Variants in CROCC observed in about 807,000 individuals in gnomAD.
The protein encoded by CROCC is rootletin.
In CROCC, 180 loss-of-function variants were observed where a neutral mutation model predicts 245.2. That is an observed-to-expected ratio of 0.73 (90% CI 0.65 to 0.83). The LOEUF is 0.83. CROCC is among the 40% of genes least tolerant of loss of function. The probability of loss-of-function intolerance (pLI) is 0.00; values close to 1 mark genes in which losing one functional copy is unlikely to be tolerated. For synonymous variants in CROCC, 1,205 were observed against 1,241.6 expected, an observed-to-expected ratio of 0.97 and a Z score of 0.62; for missense variants, 2,688 against 2,779.4, an observed-to-expected ratio of 0.97 and a Z score of 0.74.
chr1:16,924,191 T>C, intron 2 of CROCC, 134 bp from the exon 3 acceptor site: 1 of 1,123,950 alleles, frequency 8.9e-7, no homozygotes, highest in Non-Finnish European at 1.3e-6. Context: ...CAGCTCTGTT[T>C]GCAGGCCTGG....
chr1:16,954,681 C>G lies in CROCC; in HGVS notation c.3322-53C>G. ...AGTGCACTGAGCGGGTTGGGAGCAG[C>G]CCGGGGCTGGGGGACACAGCAGGAC... On this transcript the variant is annotated intron_variant, in intron 22 of 36. Coordinates refer to ENST00000375541, the MANE Select transcript of CROCC (RefSeq NM_014675.5). This position sits in a 1 kb window ranked among gnomAD's most constrained non-coding sequence, Gnocchi z 4.4. The G allele has an allele frequency of 6.7e-7, 1 of 1,502,360 alleles. No homozygotes were observed. 93.1% of individuals were successfully genotyped at this position (1,502,360 alleles called of 1,614,324 possible).
rs2076425290 is a variant in CROCC, at chr1:16,966,772, A to C, written c.4860+201A>C. Among the ~76,000 whole-genome samples the C allele has an allele frequency of 1.3e-5, 2 of 152,200 alleles. No homozygotes were observed. Among genetic ancestry groups the C allele is most frequent in the South Asian group, 4.1e-4 (2 of 4,836 alleles). ...GTGGTCACTAGGCTGTAGAAAAAAG[A>C]GCTTGGTCAAGGTGCAGTAGCTCAT... On this transcript the variant is annotated intron_variant, in intron 30 of 36. Coordinates refer to ENST00000375541, the MANE Select transcript of CROCC (RefSeq NM_014675.5). The surrounding 1 kb of genome is among the most constrained non-coding windows in gnomAD (Gnocchi z 4.8).
In CROCC at chr1:16,944,139, G is replaced by A. The variant is rs757582826; in HGVS notation, c.1848G>A (p.Gln616=). 7.3e-5 allele frequency: 114 copies of A among 1,560,144 alleles called. No homozygotes were observed. Among genetic ancestry groups the A allele is most frequent in the Non-Finnish European group, 9.3e-5 (107 of 1,151,808 alleles). The change falls in exon 14 of 37, where the codon CAG becomes CAA. Residue 616 remains glutamine, a synonymous_variant. Coordinates refer to ENST00000375541, the MANE Select transcript of CROCC (RefSeq NM_014675.5). The stretch of plus-strand genomic sequence containing the variant: ...TGGCCCACAGCCTGCAGGTGGCCCA[G>A]CAGCAGGCCGAGGAGCTGCGGCAGG... ...SNLAHSLQVA[Q]QQAEELRQER... is the part of the protein sequence containing the mutation.
intron 35 of CROCC, 56 bp from the exon 36 acceptor site, chr1:16,971,409 C>T (rs2076516640): frequency 6.8e-7 from 1 of 1,474,304 alleles, no homozygotes; most frequent in Non-Finnish European, 9.0e-7. Flanking sequence ...ACCCGTCACA[C>T]ATGCACACAC....
chr1:16,931,444 TC>T (rs1389771295), intron 8 of CROCC, 47 bp downstream of exon 8: 1 of 1,505,630 alleles, frequency 6.6e-7, no homozygotes. Context: ...CCAGCCCTGC[TC>T]TTTATGTCCA....
At chr1:16,955,236 G>A (rs1286851952) in intron 23 of CROCC, 76 bp from the exon 24 acceptor site, 1 of 1,449,092 alleles carries the variant, frequency 6.9e-7, no homozygotes, top group Non-Finnish European at 9.5e-7. Context: ...CCTGGGTCCA[G>A]GGATCTGGGG....
chr1:16,926,689 A>T (rs1570591178), intron 3 of CROCC, among the ~76,000 whole-genome samples: 1 of 152,342 alleles, frequency 6.6e-6, no homozygotes, highest in East Asian at 1.9e-4. Flanking sequence ...TGTCCCTGAG[A>T]AGCAGATGTA....
chr1:16,928,651 A>T (rs2075591675), intron 3 of CROCC, among the ~76,000 whole-genome samples: 2 of 151,892 alleles, frequency 1.3e-5, no homozygotes, highest in African/African-American at 4.8e-5. Flanking sequence ...AAAATACAAA[A>T]AATTAGCCAG....
At chr1:16,951,281 T>C (rs1287603473) in intron 20 of CROCC, 159 bp downstream of exon 20, 1 of 609,444 alleles carries the variant, frequency 1.6e-6, no homozygotes, top group Non-Finnish European at 2.6e-6. Context: ...AGGTTGTGGT[T>C]CTTATTAGAC....
In CROCC at chr1:16,915,643, GA is replaced by G. The variant is rs148444492; in HGVS notation, n.126-14629del. On this transcript the variant is annotated intron_variant and non_coding_transcript_variant, in intron 1 of 8. Coordinates refer to the CROCC transcript ENST00000466256. ...AAACAGAGCAAGACCTTGTCTCAAA[GA>G]AAAAAAAAAAAAAGGAGGAGACAGA... is the stretch of plus-strand genomic sequence containing the variant. Among the ~76,000 whole-genome samples the G allele has an allele frequency of 8.7e-3, 1,128 of 129,624 alleles. 4 individuals carry two copies. Among genetic ancestry groups the G allele is most frequent in the African/African-American group, 0.026 (918 of 35,748 alleles). 85.0% of individuals were successfully genotyped at this position (129,624 alleles called of 152,430 possible).
intron 13 of CROCC, among the ~76,000 whole-genome samples, chr1:16,941,752 A>G (rs1430238478): frequency 1.3e-5 from 2 of 152,366 alleles, no homozygotes; most frequent in East Asian, 3.9e-4. Flanking sequence ...AAAAAAGAAA[A>G]AATTCAGTTC....
At chr1:16,919,717 C>A (rs2075364203), upstream of CROCC, among the ~76,000 whole-genome samples, 1 of 152,268 alleles carries the variant, frequency 6.6e-6, no homozygotes, top group Non-Finnish European at 1.5e-5. Flanking sequence ...TCACCACCTG[C>A]CAGGTGTGGT....
At chr1:16,961,210 T>C in intron 27 of CROCC, 80 bp downstream of exon 27, 1 of 1,206,902 alleles carries the variant, frequency 8.3e-7, no homozygotes, top group South Asian at 3.2e-5. Flanking sequence ...GCAGGGTGTT[T>C]TTGTTTTTGT....
chr1:16,935,992 C>G (rs543999431), intron 8 of CROCC, among the ~76,000 whole-genome samples: 31 of 152,250 alleles, frequency 2.0e-4, no homozygotes, highest in African/African-American at 7.2e-4. Flanking sequence ...GTGGTTGTAT[C>G]ACCCTCCCAC....
chr1:16,970,896 G>C (rs2076506653), intron 35 of CROCC, 129 bp downstream of exon 35: 2 of 1,166,008 alleles, frequency 1.7e-6, no homozygotes. Flanking sequence ...GAGCCTTCCA[G>C]TGACCCAGCG....
Position 16,944,169 on chromosome 1 carries a change from G to A in CROCC, c.1878G>A (p.Arg626=). Residue 626 remains arginine (R), a synonymous_variant, in exon 14 of 37, where the codon CGG becomes CGA. Transcript: ENST00000375541. ...QQQAEELRQE[R]EKLQAAQEEL... is the part of the protein sequence containing the mutation. The stretch of plus-strand genomic sequence containing the variant: ...AGGCCGAGGAGCTGCGGCAGGAGCG[G>A]GAGAAGCTGCAGGCTGCCCAGGAGG... The A allele has an allele frequency of 6.4e-7, 1 of 1,556,218 alleles. No individual in the cohort carries two copies. The highest frequency in any genetic ancestry group is 8.7e-7 in the Non-Finnish European group (1 of 1,149,842).
intron 1 of CROCC, among the ~76,000 whole-genome samples, 163 bp from the exon 2 acceptor site, chr1:16,922,500 C>T (rs56003526): frequency 7.9e-5 from 12 of 152,386 alleles, no homozygotes; most frequent in Non-Finnish European, 1.5e-4. Context: ...ACAAGAGGCT[C>T]TTTGCATGGG....
At chr1:16,959,427 G>A (rs1394994145) in intron 26 of CROCC, among the ~76,000 whole-genome samples, 2 of 152,172 alleles carry the variant, frequency 1.3e-5, no homozygotes, top group East Asian at 1.9e-4. Context: ...CAGGCTACCC[G>A]CTCTGCCTTT....
chr1:16,971,387 AG>A, intron 35 of CROCC, 77 bp from the exon 36 acceptor site: 1 of 1,444,402 alleles, frequency 6.9e-7, no homozygotes, highest in Non-Finnish European at 9.1e-7. Context: ...TGTCCCAGGG[AG>A]GTACCTGACA....
Sources: gnomAD v4.1 joint callset for allele counts (sites outside exome capture counted in the v4.1 genomes callset) on GRCh38, gnomAD v4.1.1 for gene constraint, Gnocchi (gnomAD v3.1) non-coding constraint, MANE v1.5 for transcripts, NCBI Gene and HGNC (gene_info 2026-07-23, HGNC 2026-07-21) for gene names.